The following AXIN1 variants were observed in gnomAD, a reference collection of about 807,000 sequenced individuals.
AXIN1 encodes the protein axin 1.
A neutral mutation model predicts 76.4 loss-of-function variants in AXIN1; 30 were observed. The observed-to-expected ratio is 0.39, with a 90% CI of 0.29 to 0.53. The LOEUF (loss-of-function observed/expected upper bound fraction) is 0.53, where lower values mean the gene tolerates loss of function less well. Among genes scored for constraint, AXIN1 ranks in the 20% least tolerant of loss-of-function variants. The probability of loss-of-function intolerance (pLI) is 0.66; values close to 1 mark genes in which losing one functional copy is unlikely to be tolerated. For missense variants in AXIN1, 1,140 were observed against 1,198.8 expected, an observed-to-expected ratio of 0.95 and a Z score of 0.72; for synonymous variants, 545 against 501.4, an observed-to-expected ratio of 1.09 and a Z score of -1.16.
chr16:347,189 C>T lies in AXIN1; in HGVS notation c.-81-83G>A, dbSNP rs1215288806. ...AGAGGTTTTCTCAAGACAAGACTCA[C>T]GATGACGCCCTCCCGCTCAAACTCA... On this transcript the variant is annotated intron_variant, in intron 1 of 10. Transcript: ENST00000262320. 1.0e-4 allele frequency: 118 copies of T among 1,184,390 alleles called. 1 individual carries two copies. The South Asian group carries it at 1.2e-3, about 12-fold the overall frequency. 73.4% of individuals were successfully genotyped at this position (1,184,390 alleles called of 1,614,324 possible).
At chr16:305,544 TTTTTTG>T (rs577169263) in intron 4 of AXIN1, among the ~76,000 whole-genome samples, 120 of 152,238 alleles carry the variant, frequency 7.9e-4, no homozygotes, top group African/African-American at 2.8e-3. Context: ...GTTTTTGGTT[TTTTTTG>T]TTTTTGTTTT....
chr16:287,664 C>T lies in AXIN1; in HGVS notation c.*458G>A. 1 of 321,300 alleles carries T rather than the reference C, an allele frequency of 3.1e-6. No homozygotes were observed. The highest frequency in any genetic ancestry group is 5.9e-6 in the Non-Finnish European group (1 of 170,930). 19.9% of individuals were successfully genotyped at this position (321,300 alleles called of 1,614,324 possible). ...CGTCGCCGATTCACACAGTGGCAGGCAAGAGACAAGCTGTGTTGAAGGCAC... is the reference window on the plus strand; with the variant it reads ...CGTCGCCGATTCACACAGTGGCAGGTAAGAGACAAGCTGTGTTGAAGGCAC... On this transcript the variant is annotated 3_prime_UTR_variant, in exon 11 of 11. Transcript: ENST00000262320.
At chr16:340,326 C>T (rs1162926142) in intron 2 of AXIN1, among the ~76,000 whole-genome samples, 1 of 152,242 alleles carries the variant, frequency 6.6e-6, no homozygotes, top group African/African-American at 2.4e-5. Context: ...AAGTGCATCA[C>T]TGGACTGGCC....
rs188505770 is a variant in AXIN1 at position 302,833 on chromosome 16, A to G, written c.1254+1471T>C. Among the ~76,000 whole-genome samples, 3 of 152,332 alleles carry G rather than the reference A, an allele frequency of 2.0e-5. No individual in the cohort carries two copies. The East Asian group carries it at 5.8e-4, about 29-fold the overall frequency. ...GAATGAAGGACCACCCCCCGACTCG[A>G]TGGTGCCCACTGACCTCCCATAGGA... On this transcript the variant is annotated intron_variant, in intron 5 of 10. Transcript: ENST00000262320.
intron 1 of AXIN1, among the ~76,000 whole-genome samples, 156 bp downstream of exon 1, chr16:352,213 C>T (rs990462260): frequency 1.3e-5 from 2 of 151,678 alleles, no homozygotes; most frequent in Admixed American, 1.3e-4. Flanking sequence ...CACCGCGCCG[C>T]CAGTCCCGCT....
At chr16:339,660 T>C in intron 2 of AXIN1, among the ~76,000 whole-genome samples, 1 of 151,402 alleles carries the variant, frequency 6.6e-6, no homozygotes, top group East Asian at 1.9e-4. Flanking sequence ...CCAACCTGTG[T>C]GACAGAGCAA....
At chr16:303,599 C>T (rs923821284) in intron 5 of AXIN1, among the ~76,000 whole-genome samples, 2 of 152,038 alleles carry the variant, frequency 1.3e-5, no homozygotes, top group African/African-American at 2.4e-5. Context: ...CCAGGCTGGT[C>T]TCAAACTCCT....
At chr16:345,714 CA>C (rs57841611) in intron 2 of AXIN1, among the ~76,000 whole-genome samples, 35,869 of 130,194 alleles carry the variant, frequency 0.28, 4,297 homozygotes, top group South Asian at 0.34. Context: ...AACTCCGTCT[CA>C]AAAAAAAAAA....
At chr16:317,112 C>A (rs564862316) in intron 2 of AXIN1, among the ~76,000 whole-genome samples, 1 of 152,304 alleles carries the variant, frequency 6.6e-6, no homozygotes, top group South Asian at 2.1e-4. Context: ...ACCTGATGAA[C>A]AGAACCTAGG....
Position 293,484 on chromosome 16 carries a change from G to A in AXIN1, c.2186+4C>T, listed in dbSNP as rs145099978. 2,860 of 1,608,210 alleles carry A rather than the reference G, an allele frequency of 1.8e-3. 10 individuals are homozygous for A. Among genetic ancestry groups the A allele is most frequent in the African/African-American group, 5.1e-3 (384 of 74,962 alleles). ...ACCCACCCCACCCCACGACGCGGCCGTACCTCTGCTTGGAGGGTGCTCGGC... is the reference window on the plus strand; with the variant it reads ...ACCCACCCCACCCCACGACGCGGCCATACCTCTGCTTGGAGGGTGCTCGGC... On this transcript the variant is annotated splice_donor_region_variant and intron_variant, in intron 8 of 10. Coordinates refer to ENST00000262320, the MANE Select transcript of AXIN1 (RefSeq NM_003502.4). The surrounding 1 kb of genome is among the most constrained non-coding windows in gnomAD (Gnocchi z 4.6).
At chr16:338,558 C>T (rs1203023180) in intron 2 of AXIN1, among the ~76,000 whole-genome samples, 3 of 152,248 alleles carry the variant, frequency 2.0e-5, no homozygotes, top group Non-Finnish European at 4.4e-5. Flanking sequence ...CTGTCTGAGA[C>T]TATGGAGCTT....
At position 343,796 on chromosome 16, in the gene AXIN1, A is replaced by G. The variant is rs2053976546; in HGVS notation, c.878+2352T>C. ...TGGGAGGCTGAGATCACTGGAGTCCAGGAGCTCGAGACCATCCTGGCCAAC... is the reference window on the plus strand; with the variant it reads ...TGGGAGGCTGAGATCACTGGAGTCCGGGAGCTCGAGACCATCCTGGCCAAC... On this transcript the variant is annotated intron_variant, in intron 2 of 10. Transcript: ENST00000262320. 5.9e-5 allele frequency among the ~76,000 whole-genome samples: 9 copies of G among 151,968 alleles called. No homozygotes were observed. The South Asian group carries it at 1.9e-3, about 31-fold the overall frequency.
chr16:329,310 TAC>T (rs1233766454), intron 2 of AXIN1, among the ~76,000 whole-genome samples: 7 of 139,876 alleles, frequency 5.0e-5, no homozygotes, highest in African/African-American at 1.6e-4. Context: ...CTGAAAAACA[TAC>T]AGAGTGGGTA....
rs1357456785 is a variant in AXIN1 at position 287,982 on chromosome 16, G to A, written c.*140C>T. On this transcript the variant is annotated 3_prime_UTR_variant, in exon 11 of 11. Coordinates refer to ENST00000262320, the MANE Select transcript of AXIN1 (RefSeq NM_003502.4). ...TGGAGGGACCCCCTACCTGCCTCTA[G>A]ACACGGGTAGACCACAGGGATGGGT... 1.4e-5 allele frequency: 20 copies of A among 1,447,396 alleles called. No individual in the cohort carries two copies. The highest frequency in any genetic ancestry group is 1.6e-5 in the Non-Finnish European group (17 of 1,045,452). 89.7% of individuals were successfully genotyped at this position (1,447,396 alleles called of 1,614,324 possible). A position where few individuals can be genotyped will look rare whatever the true frequency, so the allele number is the denominator to read the frequency against.
chr16:335,434 G>A (rs1408383148), intron 2 of AXIN1, among the ~76,000 whole-genome samples: 6 of 151,642 alleles, frequency 4.0e-5, no homozygotes, highest in African/African-American at 1.5e-4. Flanking sequence ...CAGTACCACG[G>A]CACACTAATT....
At chr16:348,294 G>C (rs1488705012) in intron 1 of AXIN1, among the ~76,000 whole-genome samples, 1 of 152,204 alleles carries the variant, frequency 6.6e-6, no homozygotes, top group Non-Finnish European at 1.5e-5. Flanking sequence ...GAGGGCTTTA[G>C]AGAAGCATGT....
Position 291,109 on chromosome 16 carries a change from C to T in AXIN1, c.2294+81G>A, listed in dbSNP as rs560654421. 5.2e-5 allele frequency: 70 copies of T among 1,351,470 alleles called. No homozygotes were observed. In the South Asian group the frequency reaches 6.5e-4, roughly 13 times the overall value. 83.7% of individuals were successfully genotyped at this position (1,351,470 alleles called of 1,614,324 possible). On this transcript the variant is annotated intron_variant, in intron 9 of 10. Transcript: ENST00000262320. ...TGGTACCCGAGCTCAAGCCCCGGGACGGCGGCTCTACGATGGGACCTGGCT... is the reference window on the plus strand; with the variant it reads ...TGGTACCCGAGCTCAAGCCCCGGGATGGCGGCTCTACGATGGGACCTGGCT...
chr16:291,616 C>A (rs1455333309), intron 8 of AXIN1: 2 of 449,326 alleles, frequency 4.5e-6, no homozygotes, highest in African/African-American at 2.0e-5. Context: ...GGGATGACAT[C>A]TCGTCCCGAG....
At chr16:344,217 G>T (rs2053987308) in intron 2 of AXIN1, among the ~76,000 whole-genome samples, 2 of 151,600 alleles carry the variant, frequency 1.3e-5, no homozygotes, top group Admixed American at 6.6e-5. Flanking sequence ...CGATCACGAG[G>T]TCAGGAGATC....
Sources: allele counts gnomAD v4.1 joint callset (sites outside exome capture counted in the v4.1 genomes callset), GRCh38; gene constraint gnomAD v4.1.1; non-coding constraint Gnocchi (gnomAD v3.1); transcripts MANE v1.5; gene names NCBI Gene and HGNC (gene_info 2026-07-23, HGNC 2026-07-21).